The following YWHAH variants were observed in gnomAD, a reference collection of about 807,000 sequenced individuals.
YWHAH encodes the protein tyrosine 3-monooxygenase/tryptophan 5-monooxygenase activation protein eta, also known as 14-3-3 protein eta.
A neutral mutation model predicts 22.9 loss-of-function variants in YWHAH; 6 were observed. The ratio of observed to expected loss-of-function variants is 0.26; its 90% confidence interval spans 0.14 to 0.52. The LOEUF (loss-of-function observed/expected upper bound fraction) is 0.52. YWHAH is among the 20% of genes least tolerant of loss of function. The probability of loss-of-function intolerance (pLI) is 0.97; values close to 1 mark genes in which losing one functional copy is unlikely to be tolerated. For missense variants in YWHAH, 173 were observed against 308.6 expected (o/e 0.56, Z 3.29); for synonymous variants, 135 against 124.5 (o/e 1.08, Z -0.56).
intron 1 of YWHAH, among the ~76,000 whole-genome samples, chr22:31,953,511 C>CA (rs1211907356): frequency 6.6e-6 from 1 of 151,548 alleles, no homozygotes; most frequent in East Asian, 1.9e-4. Flanking sequence ...CTGATGTGGG[C>CA]AAAAAAAGAC....
chr22:31,949,723 A>G (rs2093840385), intron 1 of YWHAH, among the ~76,000 whole-genome samples: 1 of 152,182 alleles, frequency 6.6e-6, no homozygotes, highest in South Asian at 2.1e-4. Context: ...TGAGACTTTC[A>G]GAGGTTGATT....
intron 1 of YWHAH, among the ~76,000 whole-genome samples, chr22:31,949,572 A>C (rs961560550): frequency 6.7e-6 from 1 of 148,840 alleles, no homozygotes; most frequent in African/African-American, 2.5e-5. Context: ...ATCTTGGTTC[A>C]CTGCAAGCTC....
chr22:31,945,090 C>T, intron 1 of YWHAH: 1 of 1,095,708 alleles, frequency 9.1e-7, no homozygotes, highest in Non-Finnish European at 1.1e-6. Context: ...TCGGGGTCGC[C>T]ACATCTTAGT....
intron 1 of YWHAH, among the ~76,000 whole-genome samples, chr22:31,953,271 C>T (rs184578817): frequency 1.1e-3 from 167 of 152,222 alleles, no homozygotes; most frequent in African/African-American, 3.8e-3. Flanking sequence ...TTGCCTTATG[C>T]TTTGTTTTAT....
chr22:31,948,559 T>C (rs1208974795), intron 1 of YWHAH, among the ~76,000 whole-genome samples: 1 of 152,084 alleles, frequency 6.6e-6, no homozygotes, highest in East Asian at 1.9e-4. Context: ...TTAAATTGTA[T>C]AGACAGGATC....
At chr22:31,946,893 C>T (rs1033913069) in intron 1 of YWHAH, among the ~76,000 whole-genome samples, 1 of 152,090 alleles carries the variant, frequency 6.6e-6, no homozygotes, top group African/African-American at 2.4e-5. Flanking sequence ...AGCCACCCAG[C>T]GTAGAAGAGT....
intron 1 of YWHAH, chr22:31,947,453 C>T (rs1238798265): frequency 2.1e-6 from 1 of 471,616 alleles, no homozygotes; most frequent in Admixed American, 2.3e-5. Context: ...TGATGTTCCT[C>T]ATTCTACCAG....
intron 1 of YWHAH, among the ~76,000 whole-genome samples, chr22:31,949,689 G>C (rs2093840340): frequency 1.3e-5 from 2 of 152,154 alleles, no homozygotes; most frequent in Admixed American, 1.3e-4. Context: ...ATTCAGGATA[G>C]GTACTGTTAC....
At chr22:31,948,613 A>C (rs1016503216) in intron 1 of YWHAH, among the ~76,000 whole-genome samples, 2 of 152,160 alleles carry the variant, frequency 1.3e-5, no homozygotes, top group Non-Finnish European at 2.9e-5. Context: ...GGCCTCAAGC[A>C]GTCCTCCTGC....
chr22:31,947,551 C>T (rs2093836773), intron 1 of YWHAH: 1 of 459,150 alleles, frequency 2.2e-6, no homozygotes, highest in Non-Finnish European at 4.5e-6. Context: ...TTGAGAACTT[C>T]TCTTCCCTGC....
intron 1 of YWHAH, among the ~76,000 whole-genome samples, chr22:31,955,535 C>T (rs868384942): frequency 1.3e-4 from 20 of 151,400 alleles, no homozygotes; most frequent in South Asian, 2.1e-4. Flanking sequence ...CTGCAACCTC[C>T]GGGTTCAAGA....
rs59662844 is a variant in YWHAH, at chr22:31,956,087, A to C, written c.88-52A>C. On this transcript the variant is annotated intron_variant, in intron 1 of 1. Coordinates refer to ENST00000248975, the MANE Select transcript of YWHAH (RefSeq NM_003405.4). This position sits in a 1 kb window ranked among gnomAD's most constrained non-coding sequence, Gnocchi z 5.1. ...GATTATGTTGAAGGGAAGGCTTCTTACCAAGATTTTCAGATTTTGCTTTCA... is the reference window on the plus strand; with the variant it reads ...GATTATGTTGAAGGGAAGGCTTCTTCCCAAGATTTTCAGATTTTGCTTTCA... The C allele has an allele frequency of 5.0e-3, 7,746 of 1,539,314 alleles. 219 individuals carry two copies. The African/African-American group carries it at 0.076, about 15-fold the overall frequency.
chr22:31,945,642 C>T, intron 1 of YWHAH: 1 of 1,290,084 alleles, frequency 7.8e-7, no homozygotes, highest in South Asian at 1.2e-5. Context: ...GTTCCGGTTA[C>T]CATCTCACTC....
intron 1 of YWHAH, among the ~76,000 whole-genome samples, chr22:31,953,576 T>G (rs1164091831): frequency 1.3e-5 from 2 of 152,182 alleles, no homozygotes; most frequent in Non-Finnish European, 2.9e-5. Context: ...TGTATGTAAG[T>G]GTTTAAAGGC....
rs1023166836 is a variant in YWHAH, at chr22:31,956,065, T to G, written c.88-74T>G. ...TCCGTTCTTGAGAAGGATTGTTGAT[T>G]ATGTTGAAGGGAAGGCTTCTTACCA... On this transcript the variant is annotated intron_variant, in intron 1 of 1. Coordinates refer to ENST00000248975, the MANE Select transcript of YWHAH (RefSeq NM_003405.4). This position sits in a 1 kb window ranked among gnomAD's most constrained non-coding sequence, Gnocchi z 5.1. 2.0e-6 allele frequency: 3 copies of G among 1,497,790 alleles called. No homozygotes were observed. Among genetic ancestry groups the G allele is most frequent in the African/African-American group, 2.8e-5 (2 of 71,220 alleles). 92.8% of individuals were successfully genotyped at this position (1,497,790 alleles called of 1,614,324 possible). A position where few individuals can be genotyped will look rare whatever the true frequency, so the allele number is the denominator to read the frequency against.
Position 31,944,616 on chromosome 22 carries a change from G to T in YWHAH, c.-118G>T. 2.7e-6 allele frequency: 2 copies of T among 752,130 alleles called. No individual in the cohort carries two copies. The highest frequency in any genetic ancestry group is 5.0e-5 in the East Asian group (1 of 19,822). The allele number at this position is 752,130 out of a possible 1,614,324, so 46.6% of individuals were successfully genotyped here. A position where few individuals can be genotyped will look rare whatever the true frequency, so the allele number is the denominator to read the frequency against. On this transcript the variant is annotated 5_prime_UTR_variant, in exon 1 of 2. Transcript: ENST00000248975. ...GCAGCCTGCAGCCTCCGGCCGGCCGGCGAGCCAGTGCGCGTGCGCGGCGGC... is the reference window on the plus strand; with the variant it reads ...GCAGCCTGCAGCCTCCGGCCGGCCGTCGAGCCAGTGCGCGTGCGCGGCGGC...
chr22:31,956,331 G>A lies in YWHAH; in HGVS notation c.280G>A (p.Glu94Lys). 6.2e-7 allele frequency: 1 copy of A among 1,614,150 alleles called. No homozygotes were observed. Among genetic ancestry groups the A allele is most frequent in the Non-Finnish European group, 8.5e-7 (1 of 1,180,032 alleles). The change falls in exon 2 of 2, where the codon GAG (glutamate) becomes AAG (lysine). Residue 94 changes from glutamate to lysine, a missense_variant. Physicochemically the swap from Glu to Lys is moderately conservative, Grantham distance 56 (BLOSUM62 1). Coordinates refer to ENST00000248975, the MANE Select transcript of YWHAH (RefSeq NM_003405.4). The surrounding 1 kb of genome is among the most constrained non-coding windows in gnomAD (Gnocchi z 5.1). ...AYREKIEKEL[E>K]TVCNDVLSLL... The stretch of plus-strand genomic sequence containing the variant: ...CCGGGAGAAGATTGAGAAGGAGCTG[G>A]AGACAGTTTGCAATGATGTCCTGTC...
At chr22:31,953,128 G>C (rs1327848303) in intron 1 of YWHAH, among the ~76,000 whole-genome samples, 2 of 152,200 alleles carry the variant, frequency 1.3e-5, no homozygotes, top group East Asian at 3.8e-4. Context: ...ATCTTTGCCA[G>C]TTTCACAGAA....
rs535486217 is a variant in YWHAH, at chr22:31,956,847, T to C, written c.*55T>C. ...CACCCACCACCCCCATCATCACCGA[T>C]TCTTCCTTGCCACAATCACTAAATA... On this transcript the variant is annotated 3_prime_UTR_variant, in exon 2 of 2. Transcript: ENST00000248975. This position sits in a 1 kb window ranked among gnomAD's most constrained non-coding sequence, Gnocchi z 5.1. 9 of 1,498,342 alleles carry C rather than the reference T, an allele frequency of 6.0e-6. No individual in the cohort carries two copies. In the African/African-American group the frequency reaches 9.8e-5, roughly 16 times the overall value. The allele number at this position is 1,498,342 out of a possible 1,614,324, so 92.8% of individuals were successfully genotyped here. A position where few individuals can be genotyped will look rare whatever the true frequency, so the allele number is the denominator to read the frequency against.
Sources: allele counts gnomAD v4.1 joint callset (sites outside exome capture counted in the v4.1 genomes callset), GRCh38; gene constraint gnomAD v4.1.1; non-coding constraint Gnocchi (gnomAD v3.1); transcripts MANE v1.5; gene names NCBI Gene and HGNC (gene_info 2026-07-23, HGNC 2026-07-21).